Variants in RABL3 observed in about 807,000 individuals in gnomAD.
RABL3 encodes the protein RAB, member of RAS oncogene family like 3, also known as rab-like protein 3.
RABL3 carries 31 observed loss-of-function variants against 31.8 expected under a neutral mutation model. That is an observed-to-expected ratio of 0.97 (90% CI 0.73 to 1.31). The LOEUF is 1.31. Among genes scored for constraint, RABL3 ranks in the 40% most tolerant of loss-of-function variants. RABL3 has a pLI of 0.00. For synonymous variants in RABL3, 97 were observed against 99.9 expected, an observed-to-expected ratio of 0.97 and a Z score of 0.18; for missense variants, 263 against 279.6, an observed-to-expected ratio of 0.94 and a Z score of 0.42.
intron 4 of RABL3, among the ~76,000 whole-genome samples, chr3:120,701,170 G>C (rs1413173315): frequency 1.3e-5 from 2 of 152,064 alleles, no homozygotes; most frequent in East Asian, 3.9e-4. Context: ...ATTTTGATTT[G>C]TTAAACCTAA....
At chr3:120,727,798 T>A (rs1456037767) in intron 2 of RABL3, among the ~76,000 whole-genome samples, 2 of 152,078 alleles carry the variant, frequency 1.3e-5, no homozygotes, top group Admixed American at 1.3e-4. Context: ...ATTCAAAAAA[T>A]TAATCAACAT....
chr3:120,733,993 C>T (rs912966547), intron 1 of RABL3, among the ~76,000 whole-genome samples: 10 of 152,158 alleles, frequency 6.6e-5, no homozygotes, highest in Admixed American at 6.5e-5. Context: ...GTGATGCCTC[C>T]AGCTTTGTTC....
intron 4 of RABL3, among the ~76,000 whole-genome samples, chr3:120,704,715 T>A (rs1708530082): frequency 6.6e-6 from 1 of 152,228 alleles, no homozygotes. Context: ...TATTTTTTTT[T>A]ATACTAGCAA....
intron 2 of RABL3, among the ~76,000 whole-genome samples, chr3:120,717,212 T>A (rs1708681072): frequency 6.6e-6 from 1 of 151,600 alleles, no homozygotes; most frequent in Non-Finnish European, 1.5e-5. Context: ...GCCAAAATTA[T>A]TGTGCCACTG....
chr3:120,722,122 G>A (rs932905555), intron 2 of RABL3: 6 of 152,074 alleles, frequency 3.9e-5, no homozygotes, highest in African/African-American at 1.2e-4. Context: ...CATATACCAC[G>A]TGAAATATTT....
intron 2 of RABL3, among the ~76,000 whole-genome samples, chr3:120,715,877 G>A (rs1708662896): frequency 6.6e-6 from 1 of 152,076 alleles, no homozygotes; most frequent in South Asian, 2.1e-4. Flanking sequence ...GTCATGTAGT[G>A]CCTCTGTGCT....
At chr3:120,705,866 C>T in intron 4 of RABL3, 134 bp downstream of exon 4, 1 of 657,904 alleles carries the variant, frequency 1.5e-6, no homozygotes, top group Non-Finnish European at 2.7e-6. Context: ...GTGAAAGATA[C>T]TGTTAAAAGG....
At chr3:120,703,717 A>C (rs1411228172) in intron 4 of RABL3, among the ~76,000 whole-genome samples, 3 of 152,200 alleles carry the variant, frequency 2.0e-5, no homozygotes, top group Non-Finnish European at 4.4e-5. Context: ...ATCAGAATGA[A>C]AAAGGTCATA....
At chr3:120,707,512 AAACT>A (rs1244116936) in intron 3 of RABL3, among the ~76,000 whole-genome samples, 1 of 152,172 alleles carries the variant, frequency 6.6e-6, no homozygotes, top group East Asian at 1.9e-4. Flanking sequence ...ACACAAGAGA[AAACT>A]AAAGTTCAGA....
chr3:120,716,374 C>T (rs575879466), intron 2 of RABL3, among the ~76,000 whole-genome samples: 1 of 152,220 alleles, frequency 6.6e-6, no homozygotes, highest in East Asian at 1.9e-4. Flanking sequence ...CACCTCTGTA[C>T]TAAACAGTAA....
intron 2 of RABL3, among the ~76,000 whole-genome samples, chr3:120,714,932 G>A (rs370557427): frequency 3.3e-5 from 5 of 151,948 alleles, no homozygotes; most frequent in Non-Finnish European, 5.9e-5. Flanking sequence ...CTAGTGGTTC[G>A]GGATTATTTC....
chr3:120,722,786 A>G (rs531964978), intron 2 of RABL3: 2 of 152,212 alleles, frequency 1.3e-5, no homozygotes, highest in Non-Finnish European at 2.9e-5. Flanking sequence ...TCTCTGGGAC[A>G]CATTCAAAGC....
intron 2 of RABL3, among the ~76,000 whole-genome samples, chr3:120,719,126 AACACTG>A (rs1401381858): frequency 1.3e-5 from 2 of 152,360 alleles, no homozygotes; most frequent in East Asian, 3.9e-4. Flanking sequence ...ACATATTTAG[AACACTG>A]CACCCAACAA....
At chr3:120,733,357 T>A (rs567145867) in intron 1 of RABL3, among the ~76,000 whole-genome samples, 11 of 152,276 alleles carry the variant, frequency 7.2e-5, no homozygotes, top group Non-Finnish European at 1.6e-4. Flanking sequence ...TGCATAAATG[T>A]CTTCTTTTGA....
Position 120,687,253 on chromosome 3 carries a change from T to G in RABL3, c.*2570A>C, listed in dbSNP as rs1225895634. 3.9e-5 allele frequency: 6 copies of G among 152,152 alleles called. No individual in the cohort carries two copies. In the East Asian group the frequency reaches 1.2e-3, roughly 29 times the overall value. 9.4% of individuals were successfully genotyped at this position (152,152 alleles called of 1,614,324 possible). On this transcript the variant is annotated 3_prime_UTR_variant, in exon 8 of 8. Coordinates refer to ENST00000273375, the MANE Select transcript of RABL3 (RefSeq NM_173825.5). ...CACAACAGAAAAAAAAAATCTTTAT[T>G]TCTACCAACTTGTCCCATCAAGAGA... is the stretch of plus-strand genomic sequence containing the variant.
intron 2 of RABL3, among the ~76,000 whole-genome samples, chr3:120,724,563 A>G (rs1708793112): frequency 6.6e-6 from 1 of 152,262 alleles, no homozygotes; most frequent in Non-Finnish European, 1.5e-5. Context: ...CTACAAGGCT[A>G]CAGTAACCAA....
chr3:120,727,984 T>C (rs567160436), intron 2 of RABL3, among the ~76,000 whole-genome samples: 19 of 152,290 alleles, frequency 1.2e-4, no homozygotes, highest in African/African-American at 4.6e-4. Context: ...CTTTACTAAA[T>C]AGTGTTATAC....
intron 2 of RABL3, among the ~76,000 whole-genome samples, chr3:120,730,016 T>G (rs1240577161): frequency 6.6e-6 from 1 of 151,542 alleles, no homozygotes. Flanking sequence ...GAAATTACAT[T>G]AAAAAGAAAT....
At chr3:120,737,999 G>A (rs573877001) in intron 1 of RABL3, among the ~76,000 whole-genome samples, 1 of 152,116 alleles carries the variant, frequency 6.6e-6, no homozygotes, top group Non-Finnish European at 1.5e-5. Flanking sequence ...GGGGCAATCT[G>A]TCTGTTCTCA....
Sources: gnomAD v4.1 joint callset for allele counts (sites outside exome capture counted in the v4.1 genomes callset) on GRCh38, gnomAD v4.1.1 for gene constraint, MANE v1.5 for transcripts, NCBI Gene and HGNC (gene_info 2026-07-23, HGNC 2026-07-21) for gene names.